The following EXT2 variants were observed in gnomAD, a reference collection of about 807,000 sequenced individuals.
EXT2 encodes the protein exostosin glycosyltransferase 2, also known as exostosin-2.
EXT2 carries 53 observed loss-of-function variants against 81.6 expected under a neutral mutation model. The observed-to-expected ratio is 0.65, with a 90% CI of 0.52 to 0.82. The LOEUF (loss-of-function observed/expected upper bound fraction) is 0.82. Ranked by LOEUF, EXT2 falls within the 40% of genes least tolerant of loss-of-function variation. The probability of loss-of-function intolerance (pLI) is 0.00; values close to 1 mark genes in which losing one functional copy is unlikely to be tolerated. For synonymous variants in EXT2, 320 were observed against 340.0 expected (o/e 0.94, Z 0.65); for missense variants, 774 against 910.2 (o/e 0.85, Z 1.93).
intron 8 of EXT2, among the ~76,000 whole-genome samples, chr11:44,184,944 A>C (rs1221812496): frequency 6.6e-6 from 1 of 152,206 alleles, no homozygotes; most frequent in Non-Finnish European, 1.5e-5. Flanking sequence ...GATGTTCAAA[A>C]CAAAATGTTG....
At position 44,124,769 on chromosome 11, in the gene EXT2, C is replaced by T. The variant is rs2135014483; in HGVS notation, c.744-20C>T. The stretch of plus-strand genomic sequence containing the variant: ...CATACCAGCTGCAATTTTCCAATCA[C>T]CTGTTTTTTTCCCTTGTAGTCCACG... On this transcript the variant is annotated intron_variant, in intron 4 of 13. Coordinates refer to ENST00000533608, the MANE Select transcript of EXT2 (RefSeq NM_207122.2). 6.2e-7 allele frequency: 1 copy of T among 1,612,744 alleles called. No individual in the cohort carries two copies. Among genetic ancestry groups the T allele is most frequent in the Non-Finnish European group, 8.5e-7 (1 of 1,178,928 alleles).
rs746206387 is a variant in EXT2, at chr11:44,197,915, C to T, written c.1392C>T (p.Asp464=). Reference sequence around the variant, plus strand: ...TCACCGCCATAGTCCTCACCTACGACCGAGTAGAGAGCCTCTTCCGGGTCA... The same window carrying T: ...TCACCGCCATAGTCCTCACCTACGATCGAGTAGAGAGCCTCTTCCGGGTCA... ...QGFTAIVLTY[D]RVESLFRVIT... is the part of the protein sequence containing the mutation. The change falls in exon 9 of 14, where the codon GAC becomes GAT. Residue 464 remains aspartate (D), a synonymous_variant. Transcript: ENST00000533608. The T allele has an allele frequency of 6.2e-7, 1 of 1,614,118 alleles. No homozygotes were observed. Among genetic ancestry groups the T allele is most frequent in the East Asian group, 2.2e-5 (1 of 44,874 alleles).
At chr11:44,119,157 T>TATATAC (rs1954274791) in intron 4 of EXT2, among the ~76,000 whole-genome samples, 2 of 39,624 alleles carry the variant, frequency 5.0e-5, no homozygotes, top group Non-Finnish European at 5.7e-5. Flanking sequence ...TATATATATA[T>TATATAC]ATATATATAT....
At chr11:44,212,613 CTTCCAAAAGAAAT>C (rs745781894) in intron 10 of EXT2, among the ~76,000 whole-genome samples, 3 of 152,100 alleles carry the variant, frequency 2.0e-5, no homozygotes, top group Non-Finnish European at 4.4e-5. Context: ...TATGACCCAG[CTTCCAAAAGAAAT>C]ATATATGTGC....
chr11:44,200,667 G>A (rs1008594743), intron 9 of EXT2, among the ~76,000 whole-genome samples: 5 of 152,154 alleles, frequency 3.3e-5, no homozygotes, highest in Admixed American at 6.5e-5. Flanking sequence ...CTAGGACTGC[G>A]GGGAGTTGGG....
At chr11:44,155,317 C>T (rs936375667) in intron 7 of EXT2, among the ~76,000 whole-genome samples, 6 of 151,872 alleles carry the variant, frequency 4.0e-5, no homozygotes, top group East Asian at 1.9e-4. Flanking sequence ...TTCTTCATTC[C>T]GTGTTATTGA....
intron 3 of EXT2, among the ~76,000 whole-genome samples, chr11:44,109,741 G>A (rs965895724): frequency 1.3e-3 from 200 of 152,110 alleles, no homozygotes; most frequent in African/African-American, 4.6e-3. Flanking sequence ...CTTTCTGTCC[G>A]TTCCTCCCTC....
chr11:44,167,911 C>T (rs1955016225), intron 7 of EXT2, among the ~76,000 whole-genome samples: 1 of 151,688 alleles, frequency 6.6e-6, no homozygotes, highest in African/African-American at 2.4e-5. Context: ...TGCGCTGCAC[C>T]CACTAACTCG....
chr11:44,242,246 G>A (rs765533827), intron 13 of EXT2, among the ~76,000 whole-genome samples: 3 of 152,142 alleles, frequency 2.0e-5, no homozygotes, highest in Non-Finnish European at 4.4e-5. Flanking sequence ...ATTTACAGGC[G>A]GAACAACAGT....
At chr11:44,233,212 GTGTC>G (rs1955919921) in intron 11 of EXT2, among the ~76,000 whole-genome samples, 1 of 152,080 alleles carries the variant, frequency 6.6e-6, no homozygotes, top group African/African-American at 2.4e-5. Context: ...ACGTGTGTGT[GTGTC>G]TGTTGGTTTC....
intron 7 of EXT2, among the ~76,000 whole-genome samples, chr11:44,130,879 T>TA (rs987161902): frequency 6.6e-6 from 1 of 152,246 alleles, no homozygotes; most frequent in Non-Finnish European, 1.5e-5. Context: ...AGTACGTGCG[T>TA]AAGTGTCCCA....
At chr11:44,214,464 G>GTCTTGC (rs1401841278) in intron 10 of EXT2, among the ~76,000 whole-genome samples, 1 of 152,110 alleles carries the variant, frequency 6.6e-6, no homozygotes, top group African/African-American at 2.4e-5. Flanking sequence ...CCAACCAGCA[G>GTCTTGC]TCTTGCATAT....
At chr11:44,206,362 A>G (rs1955582760) in intron 9 of EXT2, among the ~76,000 whole-genome samples, 1 of 152,206 alleles carries the variant, frequency 6.6e-6, no homozygotes, top group South Asian at 2.1e-4. Context: ...AGAGGTGGGT[A>G]GAGTTCTGAT....
chr11:44,099,064 C>T (rs1349500677), intron 1 of EXT2, among the ~76,000 whole-genome samples: 1 of 152,114 alleles, frequency 6.6e-6, no homozygotes, highest in Non-Finnish European at 1.5e-5. Flanking sequence ...TACAGTGACG[C>T]AGTCATGGCT....
Position 44,197,981 on chromosome 11 carries a change from T to C in EXT2, c.1458T>C (p.Leu486=). The C allele has an allele frequency of 6.2e-7, 1 of 1,614,080 alleles. No homozygotes were observed. Among genetic ancestry groups the C allele is most frequent in the Non-Finnish European group, 8.5e-7 (1 of 1,179,978 alleles). ...VSKVPSLSKL[L]VVWNNQNKNP... is the part of the protein sequence containing the mutation. ...AGGTGCCCAGTCTATCCAAACTACTTGTCGTCTGGAATAATCAGAATAAAA... is the reference window on the plus strand; with the variant it reads ...AGGTGCCCAGTCTATCCAAACTACTCGTCGTCTGGAATAATCAGAATAAAA... Residue 486 remains leucine, a synonymous_variant, in exon 9 of 14, where the codon CTT becomes CTC. Coordinates refer to ENST00000533608, the MANE Select transcript of EXT2 (RefSeq NM_207122.2).
chr11:44,182,374 C>T (rs899675957), intron 8 of EXT2, among the ~76,000 whole-genome samples: 4 of 151,998 alleles, frequency 2.6e-5, no homozygotes, highest in African/African-American at 9.7e-5. Context: ...CCAAGTATCT[C>T]CAATTTCTGA....
In EXT2 at chr11:44,220,105, G is replaced by A. The variant is rs538503351; in HGVS notation, c.1663-12248G>A. Among the ~76,000 whole-genome samples the A allele has an allele frequency of 2.0e-5, 3 of 152,182 alleles. No homozygotes were observed. Among genetic ancestry groups the A allele is most frequent in the Admixed American group, 1.3e-4 (2 of 15,280 alleles). Reference sequence around the variant, plus strand: ...TTGCACGGCTGCTGGTGTGTTGCTGGTGCTGGAATTCACAGTGAGCCAGGC... The same window carrying A: ...TTGCACGGCTGCTGGTGTGTTGCTGATGCTGGAATTCACAGTGAGCCAGGC... On this transcript the variant is annotated intron_variant, in intron 10 of 13. Coordinates refer to ENST00000533608, the MANE Select transcript of EXT2 (RefSeq NM_207122.2). This position sits in a 1 kb window ranked among gnomAD's most constrained non-coding sequence, Gnocchi z 4.4.
intron 8 of EXT2, among the ~76,000 whole-genome samples, chr11:44,194,905 C>A (rs1044731326): frequency 2.0e-5 from 3 of 152,034 alleles, no homozygotes; most frequent in Non-Finnish European, 4.4e-5. Context: ...GGCACATAGA[C>A]CATGAACGGT....
chr11:44,123,754 G>C (rs1006372837), intron 4 of EXT2, among the ~76,000 whole-genome samples: 5 of 152,200 alleles, frequency 3.3e-5, no homozygotes, highest in Non-Finnish European at 7.3e-5. Flanking sequence ...AACCTGTATA[G>C]GTTTTATGTT....
Sources: allele counts gnomAD v4.1 joint callset (sites outside exome capture counted in the v4.1 genomes callset), GRCh38; gene constraint gnomAD v4.1.1; non-coding constraint Gnocchi (gnomAD v3.1); transcripts MANE v1.5; gene names NCBI Gene and HGNC (gene_info 2026-07-23, HGNC 2026-07-21).